SLIT3: variants seen among roughly 807,000 people sequenced by gnomAD.
The protein encoded by SLIT3 is slit homolog 3 protein.
Under a neutral mutation model 184.0 loss-of-function variants are expected in SLIT3, and 68 were observed. The ratio of observed to expected loss-of-function variants is 0.37; its 90% CI spans 0.30 to 0.45. SLIT3 has a LOEUF of 0.45. Ranked by LOEUF, SLIT3 falls within the 20% of genes least tolerant of loss-of-function variation. The pLI is 1.00. For synonymous variants in SLIT3, 831 were observed against 828.6 expected, an observed-to-expected ratio of 1.00 and a Z score of -0.05; for missense variants, 1,707 against 2,026.0, an observed-to-expected ratio of 0.84 and a Z score of 3.02.
At chr5:168,906,891 C>T (rs898793695) in intron 4 of SLIT3, among the ~76,000 whole-genome samples, 1 of 152,098 alleles carries the variant, frequency 6.6e-6, no homozygotes, top group African/African-American at 2.4e-5. Flanking sequence ...GATGGAGTCT[C>T]ACTCTGCTGC....
At chr5:168,792,755 A>G (rs183466295) in intron 10 of SLIT3, among the ~76,000 whole-genome samples, 7 of 152,318 alleles carry the variant, frequency 4.6e-5, no homozygotes, top group Admixed American at 4.6e-4. Context: ...GGCTGTCTCC[A>G]GTGCTTTCTA....
intron 1 of SLIT3, among the ~76,000 whole-genome samples, chr5:169,281,850 A>G (rs1767006636): frequency 1.4e-5 from 2 of 140,702 alleles, no homozygotes; most frequent in South Asian, 4.9e-4. Context: ...TGGGCTAGCC[A>G]GTGTTTCTTA....
intron 4 of SLIT3, among the ~76,000 whole-genome samples, chr5:169,114,070 CAG>C (rs1258304076): frequency 6.6e-6 from 1 of 152,160 alleles, no homozygotes; most frequent in East Asian, 1.9e-4. Flanking sequence ...CTGAGTGTGG[CAG>C]AGACTCTTCA....
chr5:168,817,182 G>A (rs1757359031), intron 8 of SLIT3, 118 bp downstream of exon 8: 4 of 883,970 alleles, frequency 4.5e-6, no homozygotes, highest in East Asian at 2.6e-5. Flanking sequence ...GACCTATGGG[G>A]TTCCTTCCAC....
At chr5:169,003,257 T>G (rs2113428629) in intron 4 of SLIT3, among the ~76,000 whole-genome samples, 1 of 152,342 alleles carries the variant, frequency 6.6e-6, no homozygotes, top group South Asian at 2.1e-4. Context: ...GGATTAAAAC[T>G]CTTTTGACCC....
At chr5:168,765,589 A>G (rs1446386768) in intron 14 of SLIT3, among the ~76,000 whole-genome samples, 2 of 152,206 alleles carry the variant, frequency 1.3e-5, no homozygotes, top group African/African-American at 4.8e-5. Context: ...TGTTATGCCT[A>G]ATGCTCATAA....
At chr5:168,856,792 T>C (rs925516609) in intron 5 of SLIT3, among the ~76,000 whole-genome samples, 4 of 146,852 alleles carry the variant, frequency 2.7e-5, no homozygotes, top group African/African-American at 1.0e-4. Flanking sequence ...TGTGTGTGTG[T>C]GTGTGTGTGT....
At chr5:168,935,224 A>G (rs1030652477) in intron 4 of SLIT3, among the ~76,000 whole-genome samples, 2 of 152,062 alleles carry the variant, frequency 1.3e-5, no homozygotes, top group African/African-American at 4.8e-5. Context: ...TCAGATGAGA[A>G]GTTGAGACTC....
chr5:168,957,206 G>A (rs1473849998), intron 4 of SLIT3, among the ~76,000 whole-genome samples: 2 of 143,400 alleles, frequency 1.4e-5, no homozygotes, highest in Non-Finnish European at 3.0e-5. Context: ...TCCAGCCTGG[G>A]CAACAAGAGC....
chr5:168,697,763 T>C (rs1270840679), intron 27 of SLIT3, among the ~76,000 whole-genome samples: 2 of 152,204 alleles, frequency 1.3e-5, no homozygotes, highest in African/African-American at 4.8e-5. Context: ...TGACTCATTC[T>C]TTTTTCCTGT....
At chr5:169,089,579 C>G (rs531841108) in intron 4 of SLIT3, among the ~76,000 whole-genome samples, 96 of 152,306 alleles carry the variant, frequency 6.3e-4, no homozygotes, top group African/African-American at 2.3e-3. Context: ...ACACTCTGTG[C>G]CCCTAGTGGT....
intron 4 of SLIT3, among the ~76,000 whole-genome samples, chr5:169,100,746 G>T (rs559561747): frequency 1.3e-5 from 2 of 152,262 alleles, no homozygotes; most frequent in African/African-American, 4.8e-5. Context: ...GTGATCCTGT[G>T]ACCAATTCCA....
At chr5:169,152,095 C>A (rs552693200) in intron 4 of SLIT3, among the ~76,000 whole-genome samples, 1 of 152,274 alleles carries the variant, frequency 6.6e-6, no homozygotes, top group South Asian at 2.1e-4. Context: ...TGAATGTTTC[C>A]TTGACCAGGC....
At chr5:168,749,040 TGACAGGAA>T (rs1440422003) in intron 19 of SLIT3, among the ~76,000 whole-genome samples, 1 of 152,200 alleles carries the variant, frequency 6.6e-6, no homozygotes, top group Non-Finnish European at 1.5e-5. Context: ...ATCATGATGC[TGACAGGAA>T]GACTGAGGCC....
chr5:168,856,185 A>G (rs999118468), intron 5 of SLIT3, among the ~76,000 whole-genome samples: 2 of 152,212 alleles, frequency 1.3e-5, no homozygotes, highest in Non-Finnish European at 2.9e-5. Flanking sequence ...ATGCCACTGA[A>G]TTGTACTTTT....
chr5:169,286,738 T>C (rs1237252178), intron 1 of SLIT3, among the ~76,000 whole-genome samples: 1 of 151,990 alleles, frequency 6.6e-6, no homozygotes, highest in African/African-American at 2.4e-5. Context: ...AAAGCTATTT[T>C]CCCCCCACAC....
At chr5:168,734,416 TG>T (rs1332228697) in intron 20 of SLIT3, among the ~76,000 whole-genome samples, 1 of 152,060 alleles carries the variant, frequency 6.6e-6, no homozygotes, top group African/African-American at 2.4e-5. Flanking sequence ...TCCCCTCTGG[TG>T]GGGGGCAGGT....
intron 4 of SLIT3, among the ~76,000 whole-genome samples, chr5:169,139,913 T>C (rs1343517872): frequency 6.6e-6 from 1 of 151,982 alleles, no homozygotes. Context: ...CGCGAGCAAA[T>C]ATTGATATAT....
intron 4 of SLIT3, among the ~76,000 whole-genome samples, chr5:168,997,624 C>T (rs1022575639): frequency 6.6e-6 from 1 of 152,148 alleles, no homozygotes; most frequent in Non-Finnish European, 1.5e-5. Flanking sequence ...CTGCTGCATG[C>T]AGGAGACCTC....
Sources: allele counts gnomAD v4.1 joint callset (sites outside exome capture counted in the v4.1 genomes callset), GRCh38; gene constraint gnomAD v4.1.1; transcripts MANE v1.5; gene names NCBI Gene and HGNC (gene_info 2026-07-23, HGNC 2026-07-21).